The following SYNJ1 variants were observed in gnomAD, a reference collection of about 807,000 sequenced individuals.
The protein encoded by SYNJ1 is polyphosphatidylinositol phosphatase SYNJ1.
In SYNJ1, 78 loss-of-function variants were observed where a neutral mutation model predicts 168.2. That is an observed-to-expected ratio of 0.46 (90% CI 0.39 to 0.56). The LOEUF (loss-of-function observed/expected upper bound fraction) is 0.56. Among genes scored for constraint, SYNJ1 ranks in the 20% least tolerant of loss-of-function variants. SYNJ1 has a pLI of 0.00. For missense variants in SYNJ1, 1,303 were observed against 1,597.6 expected, an observed-to-expected ratio of 0.82 and a Z score of 3.14; for synonymous variants, 539 against 548.6, an observed-to-expected ratio of 0.98 and a Z score of 0.24.
chr21:32,662,251 C>T (rs1184569335), intron 18 of SYNJ1, among the ~76,000 whole-genome samples: 3 of 152,186 alleles, frequency 2.0e-5, no homozygotes, highest in Non-Finnish European at 4.4e-5. Context: ...CATCGTGGGA[C>T]TCATTTTCCT....
At position 32,701,916 on chromosome 21, in the gene SYNJ1, A is replaced by C. The variant is rs765665299; in HGVS notation, c.211+45T>G. On this transcript the variant is annotated intron_variant, in intron 3 of 32. Transcript: ENST00000674351. ...CCTCTCAAATCCTTAGAATTACAAA[A>C]TAGAAATGAAAAAATGGATGAATTC... The C allele has an allele frequency of 2.0e-5, 28 of 1,421,108 alleles. 1 individual carries two copies. In the South Asian group the frequency reaches 3.5e-4, roughly 18 times the overall value. The allele number at this position is 1,421,108 out of a possible 1,614,324, so 88.0% of individuals were successfully genotyped here.
At chr21:32,643,768 C>T (rs2039949620) in intron 26 of SYNJ1, among the ~76,000 whole-genome samples, 2 of 152,166 alleles carry the variant, frequency 1.3e-5, no homozygotes, top group Non-Finnish European at 2.9e-5. Flanking sequence ...AATCATCTTA[C>T]TCCTTATATC....
chr21:32,660,229 G>C (rs1206250229), intron 18 of SYNJ1, among the ~76,000 whole-genome samples: 1 of 152,190 alleles, frequency 6.6e-6, no homozygotes, highest in Admixed American at 6.5e-5. Context: ...AAGGGCCCTG[G>C]CAGCAATGGC....
At chr21:32,640,933 T>C (rs1283600870) in intron 29 of SYNJ1, among the ~76,000 whole-genome samples, 2 of 152,248 alleles carry the variant, frequency 1.3e-5, no homozygotes, top group Non-Finnish European at 1.5e-5. Context: ...CCTATACTTA[T>C]GGTATTCAAC....
intron 18 of SYNJ1, among the ~76,000 whole-genome samples, chr21:32,662,231 TGA>T (rs1428980041): frequency 6.6e-6 from 1 of 152,172 alleles, no homozygotes; most frequent in Non-Finnish European, 1.5e-5. Flanking sequence ...GGCCGAGGCA[TGA>T]GGAGAATCAT....
chr21:32,688,904 C>T (rs1311421451), intron 6 of SYNJ1, among the ~76,000 whole-genome samples: 1 of 152,190 alleles, frequency 6.6e-6, no homozygotes, highest in Non-Finnish European at 1.5e-5. Context: ...ATTCTATTCA[C>T]ACCAAAGTTC....
In SYNJ1 at chr21:32,681,481, T is replaced by C. The variant is rs372526476; in HGVS notation, c.1353+15A>G. The C allele has an allele frequency of 3.1e-6, 5 of 1,593,984 alleles. No individual in the cohort carries two copies. Among genetic ancestry groups the C allele is most frequent in the Admixed American group, 1.7e-5 (1 of 57,862 alleles). ...AAGAGGATATTCTGTAATGTTATGA[T>C]AGATCTAGATATACCTTCGCTTTCC... On this transcript the variant is annotated intron_variant, in intron 11 of 32. Transcript: ENST00000674351.
At chr21:32,656,967 T>C (rs1484579941) in intron 20 of SYNJ1, 36 bp downstream of exon 20, 1 of 1,610,666 alleles carries the variant, frequency 6.2e-7, no homozygotes, top group South Asian at 1.1e-5. Context: ...TCAAACAAAT[T>C]TCAAACACTA....
chr21:32,663,251 T>C (rs2040786688), intron 18 of SYNJ1, among the ~76,000 whole-genome samples: 1 of 152,094 alleles, frequency 6.6e-6, no homozygotes, highest in South Asian at 2.1e-4. Context: ...ACCTCAATTA[T>C]TGGACAATAT....
Position 32,662,843 on chromosome 21 carries a change from G to A in SYNJ1, c.2304+2070C>T, listed in dbSNP as rs2040768549. Among the ~76,000 whole-genome samples the A allele has an allele frequency of 1.3e-5, 2 of 152,140 alleles. 1 individual carries two copies. Among genetic ancestry groups the A allele is most frequent in the South Asian group, 4.1e-4 (2 of 4,828 alleles). On this transcript the variant is annotated intron_variant, in intron 18 of 32. Transcript: ENST00000674351. ...GGCCCTTCCTGTACTAAGGGACAAT[G>A]TAACCCCTTAGAGCTAGTAATAACC...
chr21:32,664,594 C>T (rs1689426915), intron 18 of SYNJ1, among the ~76,000 whole-genome samples: 1 of 152,120 alleles, frequency 6.6e-6, no homozygotes, highest in South Asian at 2.1e-4. Context: ...GACCCTCTCA[C>T]ATGGACTCCC....
chr21:32,637,511 C>T (rs1018276225), intron 31 of SYNJ1, among the ~76,000 whole-genome samples: 1 of 150,196 alleles, frequency 6.7e-6, no homozygotes, highest in African/African-American at 2.5e-5. Context: ...CAGGTTCAAC[C>T]AATTCTCCTG....
intron 30 of SYNJ1, 96 bp downstream of exon 30, chr21:32,639,574 AT>A: frequency 1.0e-6 from 1 of 978,392 alleles, no homozygotes; most frequent in South Asian, 1.4e-5. Flanking sequence ...AGAGTTTTTA[AT>A]TTTTTTACAG....
chr21:32,634,153 C>T (rs920053420), intron 32 of SYNJ1, among the ~76,000 whole-genome samples: 1 of 152,130 alleles, frequency 6.6e-6, no homozygotes, highest in East Asian at 1.9e-4. Flanking sequence ...CAGTGCTATA[C>T]ATTTAAACAC....
At chr21:32,656,642 ATTGT>A (rs779351581) in intron 21 of SYNJ1, 41 bp downstream of exon 21, 4 of 1,504,198 alleles carry the variant, frequency 2.7e-6, no homozygotes, top group Admixed American at 4.0e-5. Context: ...TATAGAAATG[ATTGT>A]TTATGAATCA....
At chr21:32,671,946 C>T (rs891094075) in intron 14 of SYNJ1, among the ~76,000 whole-genome samples, 12 of 151,022 alleles carry the variant, frequency 7.9e-5, no homozygotes, top group African/African-American at 2.9e-4. Context: ...GTAATCCCAG[C>T]TACTCAGGAG....
intron 2 of SYNJ1, among the ~76,000 whole-genome samples, chr21:32,708,011 G>A (rs542640228): frequency 6.6e-5 from 10 of 152,186 alleles, no homozygotes; most frequent in Admixed American, 1.3e-4. Flanking sequence ...GTGAGACTCC[G>A]TCTCAAAAAA....
At chr21:32,644,888 C>T (rs942218240) in intron 26 of SYNJ1, 80 bp downstream of exon 26, 7 of 1,474,256 alleles carry the variant, frequency 4.7e-6, no homozygotes, top group Non-Finnish European at 5.6e-6. Flanking sequence ...TGACTTTTAT[C>T]AAACAAATCT....
intron 2 of SYNJ1, among the ~76,000 whole-genome samples, chr21:32,709,981 T>C (rs1306613545): frequency 6.6e-6 from 1 of 151,864 alleles, no homozygotes; most frequent in Non-Finnish European, 1.5e-5. Flanking sequence ...GGAGGATCAC[T>C]TGAAGTCAGG....
Sources: gnomAD v4.1 joint callset for allele counts (sites outside exome capture counted in the v4.1 genomes callset) on GRCh38, gnomAD v4.1.1 for gene constraint, MANE v1.5 for transcripts, NCBI Gene and HGNC (gene_info 2026-07-23, HGNC 2026-07-21) for gene names.